The following PPP1R37 variants were observed in gnomAD, a reference collection of about 807,000 sequenced individuals.
PPP1R37 encodes the protein protein phosphatase 1 regulatory subunit 37, also known as leucine rich repeat containing 68.
PPP1R37 carries 21 observed loss-of-function variants against 61.0 expected under a neutral mutation model. The ratio of observed to expected loss-of-function variants is 0.34; its 90% CI spans 0.24 to 0.50. The LOEUF is 0.50. Ranked by LOEUF, PPP1R37 falls within the 20% of genes least tolerant of loss-of-function variation. PPP1R37 has a pLI of 0.98. For synonymous variants in PPP1R37, 443 were observed against 433.5 expected (o/e 1.02, Z -0.27); for missense variants, 910 against 952.7 (o/e 0.96, Z 0.59).
chr19:45,145,811 G>GGGGGGC lies in PPP1R37; in HGVS notation c.1755_1756insGGGGGC (p.Ala585_Ser586insGlyGly). The GGGGGGC allele has an allele frequency of 6.9e-7, 1 of 1,448,370 alleles. No individual in the cohort carries two copies. The highest frequency in any genetic ancestry group is 9.1e-7 in the Non-Finnish European group (1 of 1,103,090). The allele number at this position is 1,448,370 out of a possible 1,614,324, so 89.7% of individuals were successfully genotyped here. A position where few individuals can be genotyped will look rare whatever the true frequency, so the allele number is the denominator to read the frequency against. ...CGCCCGAGAGGGCAGAGCCCCCTGC[G>GGGGGGC]TCCCCCACCCCTCCCTCTCCCCCAC... On this transcript the variant is annotated inframe_insertion, in exon 11 of 13. Transcript: ENST00000221462.
chr19:45,140,052 C>T (rs1252752068), intron 2 of PPP1R37, among the ~76,000 whole-genome samples, 184 bp from the exon 3 acceptor site: 3 of 152,230 alleles, frequency 2.0e-5, no homozygotes, highest in Non-Finnish European at 4.4e-5. Flanking sequence ...GCAGAGTTCT[C>T]TCGCTGTCTA....
chr19:45,146,574 C>T lies in PPP1R37; in HGVS notation c.*12C>T. The stretch of plus-strand genomic sequence containing the variant: ...CCCCCAATCTCTCCTCCCCAAGTTC[C>T]CTTTTTCCGGTCGGTCTGCGATGAG... On this transcript the variant is annotated 3_prime_UTR_variant, in exon 13 of 13. Transcript: ENST00000221462. 2.2e-6 allele frequency: 2 copies of T among 924,218 alleles called. 1 individual carries two copies. The highest frequency in any genetic ancestry group is 3.0e-5 in the South Asian group (2 of 66,346). 57.3% of individuals were successfully genotyped at this position (924,218 alleles called of 1,614,324 possible).
intron 1 of PPP1R37, among the ~76,000 whole-genome samples, chr19:45,128,403 C>A (rs996273775): frequency 6.6e-6 from 1 of 152,208 alleles, no homozygotes; most frequent in Non-Finnish European, 1.5e-5. Flanking sequence ...CTAGTCTGAT[C>A]ATTTAAGCAA....
At chr19:45,094,091 G>A (rs1967960338) in intron 1 of PPP1R37, among the ~76,000 whole-genome samples, 1 of 152,222 alleles carries the variant, frequency 6.6e-6, no homozygotes, top group South Asian at 2.1e-4. Flanking sequence ...TCCCAGAAGA[G>A]GAGCAGAGGT....
chr19:45,140,629 A>G (rs1352847131), intron 4 of PPP1R37, 23 bp downstream of exon 4: 1 of 1,521,248 alleles, frequency 6.6e-7, no homozygotes, highest in South Asian at 1.2e-5. Flanking sequence ...GCCACCGCCC[A>G]CTTGGCTCCC....
rs1256693172 is a variant in PPP1R37 at position 45,145,193 on chromosome 19, C to T, written c.1229C>T (p.Ser410Leu). The T allele has an allele frequency of 2.6e-6, 4 of 1,535,276 alleles. No homozygotes were observed. Among genetic ancestry groups the T allele is most frequent in the Non-Finnish European group, 3.5e-6 (4 of 1,146,532 alleles). Reference sequence around the variant, plus strand: ...AAGACAGGCGGGCTCATGGCACTGTCGTTGGCCCTCAAGGTGAACCACTCA... The same window carrying T: ...AAGACAGGCGGGCTCATGGCACTGTTGTTGGCCCTCAAGGTGAACCACTCA... ...EIKTGGLMALSLALKVNHSLL... is the reference protein window; with the variant it reads ...EIKTGGLMALLLALKVNHSLL... The change falls in exon 10 of 13, where the codon TCG becomes TTG. Residue 410 changes from serine (S) to leucine (L), a missense_variant. Physicochemically the swap from Ser to Leu is moderately radical, Grantham distance 145. Around this residue, in one of 3 missense-constraint regions of PPP1R37, gnomAD observed 549 missense variants for 505.1 expected, o/e 1.09. Transcript: ENST00000221462.
chr19:45,112,015 C>T (rs1275435946), intron 1 of PPP1R37, among the ~76,000 whole-genome samples: 2 of 151,556 alleles, frequency 1.3e-5, no homozygotes, highest in African/African-American at 4.9e-5. Flanking sequence ...GTCGTCCAGG[C>T]TGGAGTGCAG....
intron 1 of PPP1R37, among the ~76,000 whole-genome samples, chr19:45,111,483 G>A (rs757090489): frequency 2.4e-4 from 36 of 152,224 alleles, no homozygotes; most frequent in Non-Finnish European, 3.8e-4. Context: ...TGCCTTGTTG[G>A]CCAGGCTGGT....
intron 1 of PPP1R37, among the ~76,000 whole-genome samples, chr19:45,129,783 T>C (rs972950429): frequency 5.9e-5 from 9 of 152,174 alleles, no homozygotes; most frequent in African/African-American, 2.2e-4. Context: ...CCCCTTTAGA[T>C]GGGGAGGGAA....
Position 45,093,312 on chromosome 19 carries a change from A to AGGC in PPP1R37, c.-4_-2dup, listed in dbSNP as rs1967945641. On this transcript the variant is annotated 5_prime_UTR_variant, in exon 1 of 13. Transcript: ENST00000221462. ...GCATGTCCCCGGGGCCCCCGTGAGG[A>AGGC]GGCGGCGGCGGCTATGGAGATCGCG... 4.3e-6 allele frequency: 6 copies of AGGC among 1,403,856 alleles called. No homozygotes were observed. The Admixed American group carries it at 9.5e-5, about 22-fold the overall frequency. 87.0% of individuals were successfully genotyped at this position (1,403,856 alleles called of 1,614,324 possible). A position where few individuals can be genotyped will look rare whatever the true frequency, so the allele number is the denominator to read the frequency against.
intron 1 of PPP1R37, among the ~76,000 whole-genome samples, chr19:45,103,868 G>A (rs1038196647): frequency 3.9e-5 from 6 of 152,072 alleles, no homozygotes; most frequent in African/African-American, 1.2e-4. Flanking sequence ...GTTATAGCCC[G>A]GCAGCTTGAA....
chr19:45,104,769 G>A (rs995217140), intron 1 of PPP1R37, among the ~76,000 whole-genome samples: 2 of 151,918 alleles, frequency 1.3e-5, no homozygotes, highest in African/African-American at 2.4e-5. Context: ...CGCCGGCCAC[G>A]ACCGAGATCA....
intron 1 of PPP1R37, among the ~76,000 whole-genome samples, chr19:45,114,155 C>A (rs530429397): frequency 5.7e-4 from 87 of 152,360 alleles, no homozygotes; most frequent in African/African-American, 1.9e-3. Flanking sequence ...GGAGACTCAG[C>A]CATGAAGGGT....
In PPP1R37 at chr19:45,101,684, C is replaced by T. The variant is rs533985926; in HGVS notation, c.202+8157C>T. On this transcript the variant is annotated intron_variant, in intron 1 of 12. Coordinates refer to ENST00000221462, the MANE Select transcript of PPP1R37 (RefSeq NM_019121.2). ...AGTGAGCTGTGATCACACCACTGCC[C>T]TCCAGCCTATGTGACAGAGTGAGAC... is the stretch of plus-strand genomic sequence containing the variant. 6.6e-5 allele frequency among the ~76,000 whole-genome samples: 10 copies of T among 152,170 alleles called. No individual in the cohort carries two copies. In the East Asian group the frequency reaches 1.9e-3, roughly 29 times the overall value.
intron 1 of PPP1R37, among the ~76,000 whole-genome samples, chr19:45,114,340 G>T (rs749495963): frequency 1.3e-5 from 2 of 152,236 alleles, no homozygotes; most frequent in Non-Finnish European, 2.9e-5. Flanking sequence ...TGGAACACAT[G>T]CACTCCTTGT....
At chr19:45,115,755 A>T (rs912492709) in intron 1 of PPP1R37, among the ~76,000 whole-genome samples, 3 of 152,156 alleles carry the variant, frequency 2.0e-5, no homozygotes, top group Non-Finnish European at 4.4e-5. Context: ...CGGGTGGATC[A>T]TCTGAGGTCC....
At position 45,130,418 on chromosome 19, in the gene PPP1R37, C is replaced by T. The variant is rs1216330379; in HGVS notation, c.203-8096C>T. Among the ~76,000 whole-genome samples, 1 of 152,192 alleles carries T rather than the reference C, an allele frequency of 6.6e-6. No individual in the cohort carries two copies. The highest frequency in any genetic ancestry group is 1.5e-5 in the Non-Finnish European group (1 of 68,030). On this transcript the variant is annotated intron_variant, in intron 1 of 12. Transcript: ENST00000221462. The surrounding 1 kb of genome is among the most constrained non-coding windows in gnomAD (Gnocchi z 4.4). The stretch of plus-strand genomic sequence containing the variant: ...TCACCGTCCCACATCATCCCCAGTG[C>T]TCCCCTCCCGGTGTGCTTTGGCGCC...
At chr19:45,117,664 G>A (rs1038872538) in intron 1 of PPP1R37, among the ~76,000 whole-genome samples, 1 of 152,148 alleles carries the variant, frequency 6.6e-6, no homozygotes, top group Non-Finnish European at 1.5e-5. Flanking sequence ...GTTCTGAAGC[G>A]CTGACTGGTG....
At chr19:45,094,874 T>C (rs1341901365) in intron 1 of PPP1R37, among the ~76,000 whole-genome samples, 1 of 152,084 alleles carries the variant, frequency 6.6e-6, no homozygotes, top group East Asian at 1.9e-4. Context: ...AGGTCAGTGT[T>C]GGAGCTGAAA....
Sources: allele counts gnomAD v4.1 joint callset (sites outside exome capture counted in the v4.1 genomes callset), GRCh38; gene constraint gnomAD v4.1.1; regional missense constraint gnomAD v4.1.1; non-coding constraint Gnocchi (gnomAD v3.1); transcripts MANE v1.5; gene names NCBI Gene and HGNC (gene_info 2026-07-23, HGNC 2026-07-21).